Variants in ZNF662 observed in about 807,000 individuals in gnomAD.
ZNF662 encodes zinc finger protein 662.
In ZNF662, 14 loss-of-function variants were observed where a neutral mutation model predicts 12.4. That is an observed-to-expected ratio of 1.13 (90% confidence interval 0.75 to 1.77). The LOEUF is 1.77. ZNF662 is among the 40% of genes most tolerant of loss of function. The probability of loss-of-function intolerance (pLI) is 0.00; values close to 1 mark genes in which losing one functional copy is unlikely to be tolerated. For missense variants in ZNF662, 550 were observed against 515.6 expected (o/e 1.07, Z -0.65); for synonymous variants, 184 against 176.4 (o/e 1.04, Z -0.34).
At chr3:42,912,598 T>C (rs2088821904) in intron 3 of ZNF662, among the ~76,000 whole-genome samples, 1 of 100,750 alleles carries the variant, frequency 9.9e-6, no homozygotes, top group Non-Finnish European at 1.8e-5. Context: ...TATATTTATA[T>C]AAAATACAAA....
rs577950846 is a variant in ZNF662 at position 42,914,694 on chromosome 3, T to G, written c.621T>G (p.Phe207Leu). Residue 207 changes from phenylalanine (F) to leucine (L), a missense_variant, in exon 5 of 5, where the codon TTT becomes TTG. Coordinates refer to ENST00000440367, the MANE Select transcript of ZNF662 (RefSeq NM_207404.4). Reference sequence around the variant, plus strand: ...AGTGTTTTGATCAAAATGAGGACTTTGATCAACACCAGAAAACTCATAATG... The same window carrying G: ...AGTGTTTTGATCAAAATGAGGACTTGGATCAACACCAGAAAACTCATAATG... ...CGKCFDQNEDFDQHQKTHNGE... is the reference protein window; with the variant it reads ...CGKCFDQNEDLDQHQKTHNGE... The G allele has an allele frequency of 6.2e-7, 1 of 1,614,202 alleles. No individual in the cohort carries two copies. The highest frequency in any genetic ancestry group is 8.5e-7 in the Non-Finnish European group (1 of 1,180,028).
At chr3:42,911,243 C>T (rs548253368) in intron 3 of ZNF662, among the ~76,000 whole-genome samples, 2 of 152,284 alleles carry the variant, frequency 1.3e-5, no homozygotes, top group Admixed American at 6.5e-5. Flanking sequence ...ATCAGTCTCT[C>T]ATGTAGTGAG....
chr3:42,906,304 C>A lies in ZNF662; in HGVS notation c.-94+136C>A. ...CGCTCTTCCGCGACCCCAACAGCCT[C>A]TGGTCCGGTCTGGCGCGCCCTCGCT... On this transcript the variant is annotated intron_variant, in intron 1 of 4. Coordinates refer to ENST00000440367, the MANE Select transcript of ZNF662 (RefSeq NM_207404.4). The surrounding 1 kb of genome is among the most constrained non-coding windows in gnomAD (Gnocchi z 4.4). 1 of 1,515,238 alleles carries A rather than the reference C, an allele frequency of 6.6e-7. No homozygotes were observed. Among genetic ancestry groups the A allele is most frequent in the South Asian group, 1.2e-5 (1 of 82,528 alleles). The allele number at this position is 1,515,238 out of a possible 1,614,324, so 93.9% of individuals were successfully genotyped here.
At chr3:42,912,655 T>TATATATATATTTTTATATATATATAA (rs1559381489) in intron 3 of ZNF662, among the ~76,000 whole-genome samples, 6,357 of 43,492 alleles carry the variant, frequency 0.15, 369 homozygotes, top group Non-Finnish European at 0.19. Context: ...TATATATAAA[T>TATATATATATTTTTATATATATATAA]ATATATATAT....
Position 42,915,177 on chromosome 3 carries a change from C to G in ZNF662, c.1104C>G (p.Ser368Arg). 6.2e-7 allele frequency: 1 copy of G among 1,614,090 alleles called. No homozygotes were observed. The highest frequency in any genetic ancestry group is 1.7e-5 in the Admixed American group (1 of 60,018). The change falls in exon 5 of 5, where the codon AGC becomes AGG. Residue 368 changes from serine (S) to arginine (R), a missense_variant. Transcript: ENST00000440367. ...ATGAATGTACTGACTGTGGGAAAAG[C>G]TTCTTTTGCAAGGCACATCTTATTC... ...KPHECTDCGK[S>R]FFCKAHLIRH...
chr3:42,912,666 A>AT lies in ZNF662; in HGVS notation c.152-529dup, dbSNP rs373223111. On this transcript the variant is annotated intron_variant, in intron 3 of 4. Coordinates refer to ENST00000440367, the MANE Select transcript of ZNF662 (RefSeq NM_207404.4). ...TATATATATATAAATATATATATAT[A>AT]TTTTTTATATATATAAATATATATA... Among the ~76,000 whole-genome samples, 4 of 26,150 alleles carry AT rather than the reference A, an allele frequency of 1.5e-4. No individual in the cohort carries two copies. The Admixed American group carries it at 2.4e-3, about 16-fold the overall frequency. 17.2% of individuals were successfully genotyped at this position (26,150 alleles called of 152,430 possible). A position where few individuals can be genotyped will look rare whatever the true frequency, so the allele number is the denominator to read the frequency against.
chr3:42,915,571 A>AACTTTACTCT lies in ZNF662; in HGVS notation c.*217_*218insACTTTACTCT. On this transcript the variant is annotated 3_prime_UTR_variant, in exon 5 of 5. Transcript: ENST00000440367. ...TTTAGTTGGGCAGCTACTCTGTATC[A>AACTTTACTCT]GGTGCTAACCACTTTACATACATTA... 1 of 518,258 alleles carries AACTTTACTCT rather than the reference A, an allele frequency of 1.9e-6. No individual in the cohort carries two copies. The highest frequency in any genetic ancestry group is 3.1e-5 in the East Asian group (1 of 32,702). The allele number at this position is 518,258 out of a possible 1,614,324, so 32.1% of individuals were successfully genotyped here. A position where few individuals can be genotyped will look rare whatever the true frequency, so the allele number is the denominator to read the frequency against.
At chr3:42,912,251 AATATAAT>A (rs968105718) in intron 3 of ZNF662, among the ~76,000 whole-genome samples, 7 of 130,614 alleles carry the variant, frequency 5.4e-5, no homozygotes, top group African/African-American at 2.0e-4. Flanking sequence ...TATAAATAAA[AATATAAT>A]ATATATCTTA....
intron 2 of ZNF662, 199 bp downstream of exon 2, chr3:42,908,347 G>A: frequency 1.5e-6 from 2 of 1,360,628 alleles, no homozygotes; most frequent in Non-Finnish European, 1.9e-6. Context: ...GGACTTCCTT[G>A]CTCCAGAGTG....
At chr3:42,909,926 A>G (rs1269253649) in intron 3 of ZNF662, among the ~76,000 whole-genome samples, 1 of 149,664 alleles carries the variant, frequency 6.7e-6, no homozygotes. Context: ...CCGGGCAGAG[A>G]CGCTCCTCAC....
Position 42,917,596 on chromosome 3 carries a change from C to G in ZNF662, c.*2242C>G. 1 of 694,926 alleles carries G rather than the reference C, an allele frequency of 1.4e-6. No individual in the cohort carries two copies. 43.0% of individuals were successfully genotyped at this position (694,926 alleles called of 1,614,324 possible). On this transcript the variant is annotated 3_prime_UTR_variant, in exon 5 of 5. Transcript: ENST00000440367. The stretch of plus-strand genomic sequence containing the variant: ...CAAGCTTTACCTGAAGCAGAGCTAC[C>G]TCAGAACTTTTCAGCTATGTGAGCC...
intron 3 of ZNF662, among the ~76,000 whole-genome samples, 200 bp downstream of exon 3, chr3:42,909,109 A>G (rs6778645): frequency 0.015 from 2,329 of 152,126 alleles, 62 homozygotes; most frequent in African/African-American, 0.049. Flanking sequence ...GGTGTTTCTC[A>G]GAGAGGGGGA....
Position 42,912,566 on chromosome 3 carries a change from A to AT in ZNF662, c.152-635_152-634insT, listed in dbSNP as rs1164532818. On this transcript the variant is annotated intron_variant, in intron 3 of 4. Coordinates refer to ENST00000440367, the MANE Select transcript of ZNF662 (RefSeq NM_207404.4). ...ATATATTTAATATAAATATATATATAAATACATATTTTATATATAAATATA... is the reference window on the plus strand; with the variant it reads ...ATATATTTAATATAAATATATATATATAATACATATTTTATATATAAATATA... Among the ~76,000 whole-genome samples the AT allele has an allele frequency of 6.5e-5, 2 of 30,586 alleles. 1 individual carries two copies. The highest frequency in any genetic ancestry group is 3.4e-3 in the East Asian group (2 of 584). The allele number at this position is 30,586 out of a possible 152,430, so 20.1% of individuals were successfully genotyped here.
chr3:42,908,887 G>A lies in ZNF662; in HGVS notation c.129G>A (p.Glu43=). 1.2e-6 allele frequency: 2 copies of A among 1,613,686 alleles called. No homozygotes were observed. The highest frequency in any genetic ancestry group is 3.3e-5 in the Admixed American group (2 of 60,028). ...TTCCTCGGGGAGCTCTGGATGGAGA[G>A]GCCCCAAGGGGCATCTCCTCAGGTG... ...CSVPRGALDG[E]APRGISSGYP... is the part of the protein sequence containing the mutation. Residue 43 remains glutamate, a synonymous_variant, in exon 3 of 5, where the codon GAG becomes GAA. Transcript: ENST00000440367.
Position 42,915,303 on chromosome 3 carries a change from T to C in ZNF662, c.1230T>C (p.His410=). ...NSVLIKHQRR[H]ARDKPYNCQI... is the part of the protein sequence containing the mutation. ...TCTTAATTAAGCACCAGAGGCGCCATGCTAGAGACAAACCCTATAACTGTC... is the reference window on the plus strand; with the variant it reads ...TCTTAATTAAGCACCAGAGGCGCCACGCTAGAGACAAACCCTATAACTGTC... The change falls in exon 5 of 5, where the codon CAT becomes CAC. Residue 410 remains histidine (H), a synonymous_variant. Coordinates refer to ENST00000440367, the MANE Select transcript of ZNF662 (RefSeq NM_207404.4). 5 of 1,608,548 alleles carry C rather than the reference T, an allele frequency of 3.1e-6. No homozygotes were observed. Among genetic ancestry groups the C allele is most frequent in the Non-Finnish European group, 4.2e-6 (5 of 1,177,492 alleles).
chr3:42,909,832 G>C (rs562471856), intron 3 of ZNF662, among the ~76,000 whole-genome samples: 1 of 151,628 alleles, frequency 6.6e-6, no homozygotes, highest in South Asian at 2.1e-4. Flanking sequence ...TCCCAGACGG[G>C]GTCGCGGCCA....
At chr3:42,912,653 A>AATATATATATATTTTTTATAT (rs2088827381) in intron 3 of ZNF662, among the ~76,000 whole-genome samples, 1 of 46,178 alleles carries the variant, frequency 2.2e-5, no homozygotes, top group East Asian at 3.8e-4. Flanking sequence ...TATATATATA[A>AATATATATATATTTTTTATAT]ATATATATAT....
chr3:42,910,225 G>A (rs1045063453), intron 3 of ZNF662, among the ~76,000 whole-genome samples: 2 of 152,158 alleles, frequency 1.3e-5, no homozygotes, highest in African/African-American at 2.4e-5. Flanking sequence ...GGCGGCGCCC[G>A]CCTGCAATCC....
chr3:42,913,207 C>T lies in ZNF662; in HGVS notation c.158C>T (p.Pro53Leu), dbSNP rs1172267272. 6.2e-7 allele frequency: 1 copy of T among 1,613,410 alleles called. No homozygotes were observed. Among genetic ancestry groups the T allele is most frequent in the Admixed American group, 1.7e-5 (1 of 60,000 alleles). ...TGTATCTTGACCCTGGCAGGATATC[C>T]ATTTCTAAAGCCTGCTGGGATTTCC... ...EAPRGISSGYPFLKPAGISHP... is the reference protein window; with the variant it reads ...EAPRGISSGYLFLKPAGISHP... Residue 53 changes from proline (P) to leucine (L), a missense_variant, in exon 4 of 5, where the codon CCA (proline) becomes CTA (leucine). Coordinates refer to ENST00000440367, the MANE Select transcript of ZNF662 (RefSeq NM_207404.4).
Sources: allele counts gnomAD v4.1 joint callset (sites outside exome capture counted in the v4.1 genomes callset), GRCh38; gene constraint gnomAD v4.1.1; non-coding constraint Gnocchi (gnomAD v3.1); transcripts MANE v1.5; gene names NCBI Gene and HGNC (gene_info 2026-07-23, HGNC 2026-07-21).